PDS5B: variants seen among roughly 807,000 people sequenced by gnomAD.
The protein encoded by PDS5B is sister chromatid cohesion protein PDS5 homolog B.
PDS5B carries 51 observed loss-of-function variants against 184.1 expected under a neutral mutation model. That is an observed-to-expected ratio of 0.28 (90% confidence interval 0.22 to 0.35). The LOEUF (loss-of-function observed/expected upper bound fraction) is 0.35. Ranked by LOEUF, PDS5B falls within the 10% of genes least tolerant of loss-of-function variation. The pLI is 1.00. For missense variants in PDS5B, 1,180 were observed against 1,723.3 expected, an observed-to-expected ratio of 0.68 and a Z score of 5.58; for synonymous variants, 566 against 569.2, an observed-to-expected ratio of 0.99 and a Z score of 0.08.
chr13:32,623,858 CTGGAGTGCAG>C (rs1235227734), intron 1 of PDS5B, among the ~76,000 whole-genome samples: 1 of 152,006 alleles, frequency 6.6e-6, no homozygotes, highest in Non-Finnish European at 1.5e-5. Flanking sequence ...TCTCGCCAGG[CTGGAGTGCAG>C]TGGCGTGATC....
intron 6 of PDS5B, among the ~76,000 whole-genome samples, chr13:32,664,475 C>T (rs983286264): frequency 6.6e-6 from 1 of 152,130 alleles, no homozygotes; most frequent in South Asian, 2.1e-4. Flanking sequence ...TAATAGAAGA[C>T]TTACATATGT....
intron 3 of PDS5B, 138 bp downstream of exon 3, chr13:32,652,145 GTT>G (rs34522910): frequency 1.5e-3 from 692 of 470,172 alleles, no homozygotes; most frequent in African/African-American, 2.3e-3. Context: ...TAAACTTAAT[GTT>G]TTTTTTTTTT....
Position 32,611,325 on chromosome 13 carries a change from C to G in PDS5B, c.-20+24732C>G, listed in dbSNP as rs952794478. Among the ~76,000 whole-genome samples the G allele has an allele frequency of 7.2e-5, 11 of 152,124 alleles. No individual in the cohort carries two copies. In the East Asian group the frequency reaches 1.9e-3, roughly 27 times the overall value. On this transcript the variant is annotated intron_variant, in intron 1 of 34. Transcript: ENST00000315596. ...TTATTATCCCAAACCCTTCTCTTCTCTATGCCTGTTGCTTTTGGTTTAGTT... is the reference window on the plus strand; with the variant it reads ...TTATTATCCCAAACCCTTCTCTTCTGTATGCCTGTTGCTTTTGGTTTAGTT...
intron 24 of PDS5B, among the ~76,000 whole-genome samples, chr13:32,749,777 T>A (rs919576390): frequency 2.6e-5 from 4 of 152,042 alleles, no homozygotes; most frequent in Non-Finnish European, 5.9e-5. Context: ...AGCTGCAGAC[T>A]AAAATTAATT....
chr13:32,767,263 G>A (rs1455876851), intron 31 of PDS5B, among the ~76,000 whole-genome samples: 1 of 152,120 alleles, frequency 6.6e-6, no homozygotes, highest in Non-Finnish European at 1.5e-5. Flanking sequence ...TCTTTAATGT[G>A]CTAAAAGTTT....
intron 21 of PDS5B, among the ~76,000 whole-genome samples, chr13:32,736,417 A>G (rs1016909693): frequency 6.6e-6 from 1 of 151,718 alleles, no homozygotes. Context: ...AGACTGGTGT[A>G]TTTTCCCCCA....
chr13:32,643,532 C>T (rs531942106), intron 1 of PDS5B, among the ~76,000 whole-genome samples: 70 of 152,156 alleles, frequency 4.6e-4, no homozygotes, highest in Non-Finnish European at 8.1e-4. Flanking sequence ...TATACAGTTG[C>T]GTACCACACA....
At chr13:32,646,149 T>C (rs1950216735) in intron 1 of PDS5B, among the ~76,000 whole-genome samples, 1 of 152,008 alleles carries the variant, frequency 6.6e-6, no homozygotes. Context: ...GGACCACAGG[T>C]GCACACCACT....
chr13:32,770,829 C>G, intron 33 of PDS5B, 68 bp downstream of exon 33: 1 of 1,119,592 alleles, frequency 8.9e-7, no homozygotes, highest in Non-Finnish European at 1.3e-6. Context: ...AATTTGTAAA[C>G]ATACATATTG....
At chr13:32,615,907 G>A (rs1313203229) in intron 1 of PDS5B, among the ~76,000 whole-genome samples, 2 of 152,056 alleles carry the variant, frequency 1.3e-5, no homozygotes, top group Non-Finnish European at 2.9e-5. Flanking sequence ...GTAGACTTTT[G>A]TTTTCAGAAT....
At chr13:32,645,972 ATGTGTGTG>A (rs1287065690) in intron 1 of PDS5B, among the ~76,000 whole-genome samples, 1 of 148,296 alleles carries the variant, frequency 6.7e-6, no homozygotes, top group South Asian at 2.1e-4. Context: ...TTTCACTTTG[ATGTGTGTG>A]TGTGGGTGTG....
intron 13 of PDS5B, chr13:32,689,814 G>A (rs1951496437): frequency 6.6e-6 from 1 of 152,016 alleles, no homozygotes; most frequent in African/African-American, 2.4e-5. Flanking sequence ...AGCCTAATTG[G>A]TGGCTCTTTT....
At chr13:32,612,048 A>G (rs1039155715) in intron 1 of PDS5B, among the ~76,000 whole-genome samples, 1 of 148,268 alleles carries the variant, frequency 6.7e-6, no homozygotes, top group Non-Finnish European at 1.5e-5. Context: ...CAGACTGTGC[A>G]TCTTTTTTTT....
At chr13:32,688,397 T>C (rs1281358993) in intron 12 of PDS5B, 59 bp from the exon 13 acceptor site, 8 of 801,202 alleles carry the variant, frequency 1.0e-5, no homozygotes, top group Non-Finnish European at 1.6e-5. Flanking sequence ...TAGAATTTTA[T>C]ATACAACTTT....
intron 24 of PDS5B, among the ~76,000 whole-genome samples, chr13:32,746,750 C>G (rs1166113101): frequency 6.6e-6 from 1 of 152,194 alleles, no homozygotes; most frequent in Non-Finnish European, 1.5e-5. Flanking sequence ...AAAGCTGAAA[C>G]AAGAAGGCAC....
chr13:32,664,785 A>G (rs1297774975), intron 6 of PDS5B, among the ~76,000 whole-genome samples: 3 of 152,142 alleles, frequency 2.0e-5, no homozygotes, highest in African/African-American at 7.2e-5. Flanking sequence ...AGGGAGGTCA[A>G]GGCTGCAGTG....
intron 3 of PDS5B, among the ~76,000 whole-genome samples, chr13:32,657,298 T>A (rs1193625537): frequency 1.3e-5 from 2 of 152,234 alleles, no homozygotes; most frequent in Admixed American, 1.3e-4. Flanking sequence ...GGTTTTCTTG[T>A]TGAATTGAAC....
intron 19 of PDS5B, among the ~76,000 whole-genome samples, chr13:32,715,966 T>C (rs1451115157): frequency 1.4e-4 from 21 of 152,384 alleles, no homozygotes; most frequent in Non-Finnish European, 2.4e-4. Context: ...CAGTGCTCAA[T>C]GGTGCCCAGG....
At chr13:32,752,405 G>T (rs1447807790) in intron 24 of PDS5B, among the ~76,000 whole-genome samples, 2 of 152,272 alleles carry the variant, frequency 1.3e-5, no homozygotes, top group Non-Finnish European at 2.9e-5. Context: ...CCACTGATAA[G>T]GGGGAGCTAG....
Sources: allele counts gnomAD v4.1 joint callset (sites outside exome capture counted in the v4.1 genomes callset), GRCh38; gene constraint gnomAD v4.1.1; transcripts MANE v1.5; gene names NCBI Gene and HGNC (gene_info 2026-07-23, HGNC 2026-07-21).